The following SYNE1 variants were observed in gnomAD, a reference collection of about 807,000 sequenced individuals.
SYNE1 encodes the protein spectrin repeat containing nuclear envelope protein 1.
In SYNE1, 616 loss-of-function variants were observed where a neutral mutation model predicts 1,111.0. The observed-to-expected ratio is 0.55, with a 90% CI of 0.52 to 0.59. SYNE1 has a LOEUF of 0.59. Ranked by LOEUF, SYNE1 falls within the 20% of genes least tolerant of loss-of-function variation. SYNE1 has a pLI of 0.00. For missense variants in SYNE1, 10,006 were observed against 10,417.0 expected, an observed-to-expected ratio of 0.96 and a Z score of 1.72; for synonymous variants, 3,855 against 3,825.8, an observed-to-expected ratio of 1.01 and a Z score of -0.28.
intron 15 of SYNE1, 26 bp downstream of exon 15, chr6:152,472,275 T>C (rs577305737): frequency 1.0e-4 from 164 of 1,571,224 alleles, no homozygotes; most frequent in Admixed American, 2.3e-4. Flanking sequence ...AAAAGAGACT[T>C]CCTTTAAATG....
intron 130 of SYNE1, among the ~76,000 whole-genome samples, chr6:152,169,363 C>A (rs2064516944): frequency 6.6e-6 from 1 of 151,658 alleles, no homozygotes. Flanking sequence ...GAGATCAAGA[C>A]CATCCTGGCT....
At chr6:152,571,926 T>C (rs2099462019) in intron 3 of SYNE1, among the ~76,000 whole-genome samples, 1 of 152,194 alleles carries the variant, frequency 6.6e-6, no homozygotes. Flanking sequence ...AGTTTGTGCA[T>C]CATCACAGTT....
At chr6:152,571,234 G>C (rs818444) in intron 3 of SYNE1, among the ~76,000 whole-genome samples, 7,174 of 152,254 alleles carry the variant, frequency 0.047, 234 homozygotes, top group Non-Finnish European at 0.072. Flanking sequence ...TGTCTTCTGA[G>C]ATTGCTTAAG....
intron 11 of SYNE1, among the ~76,000 whole-genome samples, chr6:152,491,933 C>T (rs1448758464): frequency 3.3e-5 from 5 of 152,134 alleles, no homozygotes; most frequent in African/African-American, 1.2e-4. Context: ...ATCACCTCCC[C>T]CTCCTCCCAC....
At position 152,211,543 on chromosome 6, in the gene SYNE1, T is replaced by C. The variant is rs1481246991; in HGVS notation, c.22540A>G (p.Ile7514Val). 2 of 1,613,936 alleles carry C rather than the reference T, an allele frequency of 1.2e-6. No individual in the cohort carries two copies. The highest frequency in any genetic ancestry group is 1.1e-5 in the South Asian group (1 of 91,076). The change falls in exon 124 of 146, where the codon ATC becomes GTC. Residue 7514 changes from isoleucine (I) to valine (V), a missense_variant. Ile to Val is a conservative substitution (Grantham distance 29). Coordinates refer to ENST00000367255, the MANE Select transcript of SYNE1 (RefSeq NM_182961.4). ...MFSRQQILHSIIIDGQRLLEQ... is the reference protein window; with the variant it reads ...MFSRQQILHSVIIDGQRLLEQ... ...AGAAGACGTTGCCCATCAATAATGA[T>C]TGAGTGCAAAATCTGCTGACGACTG...
chr6:152,357,360 T>A (rs913014553), intron 66 of SYNE1, among the ~76,000 whole-genome samples: 3 of 152,186 alleles, frequency 2.0e-5, no homozygotes, highest in African/African-American at 7.2e-5. Context: ...TGACTGATAA[T>A]CATGATGGTC....
At position 152,444,556 on chromosome 6, in the gene SYNE1, A is replaced by G; in HGVS notation, c.3692T>C (p.Phe1231Ser). The G allele has an allele frequency of 1.9e-6, 3 of 1,612,874 alleles. No individual in the cohort carries two copies. The highest frequency in any genetic ancestry group is 2.5e-6 in the Non-Finnish European group (3 of 1,179,790). The change falls in exon 30 of 146, where the codon TTT becomes TCT. Residue 1231 changes from phenylalanine (F) to serine (S), a missense_variant. Physicochemically the swap from Phe to Ser is radical, Grantham distance 155. This residue lies in a region of SYNE1 where 1,971 missense variants were observed against 2,084.1 expected (regional missense o/e 0.95). Transcript: ENST00000367255. ...LSEVEKMLSN[F>S]GDCVQYKEIV... ...TTCTTTGTACTGGACACAGTCCCCA[A>G]AATTGCTTAGCATCTTTTCAACCTA...
intron 92 of SYNE1, 54 bp from the exon 93 acceptor site, chr6:152,300,835 A>G (rs1005950516): frequency 1.4e-5 from 22 of 1,613,690 alleles, no homozygotes; most frequent in Admixed American, 1.0e-4. Flanking sequence ...CTATGTTAAC[A>G]TAAGTCCTGT....
chr6:152,176,661 G>T, intron 129 of SYNE1, 101 bp from the exon 130 acceptor site: 1 of 1,202,486 alleles, frequency 8.3e-7, no homozygotes, highest in Non-Finnish European at 1.2e-6. Context: ...CTACTGCTTG[G>T]AAGTAGTTTG....
intron 3 of SYNE1, among the ~76,000 whole-genome samples, chr6:152,626,741 G>T (rs117233459): frequency 3.3e-5 from 5 of 152,160 alleles, no homozygotes; most frequent in Non-Finnish European, 5.9e-5. Context: ...AAACACGAGT[G>T]GGGGGTCACT....
intron 121 of SYNE1, among the ~76,000 whole-genome samples, chr6:152,215,671 T>C (rs1044437983): frequency 2.0e-5 from 3 of 152,246 alleles, no homozygotes; most frequent in African/African-American, 7.2e-5. Flanking sequence ...ATTGAGCACT[T>C]ACTATGAATC....
intron 53 of SYNE1, among the ~76,000 whole-genome samples, chr6:152,387,844 A>T (rs2097547634): frequency 6.6e-6 from 1 of 152,164 alleles, no homozygotes; most frequent in Non-Finnish European, 1.5e-5. Flanking sequence ...TGAGTAAATG[A>T]TCTATCATTA....
At chr6:152,177,783 T>C (rs964333134) in intron 129 of SYNE1, among the ~76,000 whole-genome samples, 1 of 152,240 alleles carries the variant, frequency 6.6e-6, no homozygotes, top group Non-Finnish European at 1.5e-5. Context: ...GGGAATTACT[T>C]TAAGACTTAA....
chr6:152,242,314 C>T lies in SYNE1; in HGVS notation c.19819G>A (p.Glu6607Lys), dbSNP rs552717038. The change falls in exon 107 of 146, where the codon GAG becomes AAG. Residue 6607 changes from glutamate to lysine, a missense_variant. By Grantham distance (56) the Glu-to-Lys change is moderately conservative. Coordinates refer to ENST00000367255, the MANE Select transcript of SYNE1 (RefSeq NM_182961.4). Reference protein sequence around the residue: ...DLADLLETGQEKMAGDQKIIV... With the variant: ...DLADLLETGQKKMAGDQKIIV... ...ATTTTCTGGTCTCCTGCCATCTTCTCCTGACCAGTTTCTAGCAGGTCAGCC... is the reference window on the plus strand; with the variant it reads ...ATTTTCTGGTCTCCTGCCATCTTCTTCTGACCAGTTTCTAGCAGGTCAGCC... 5.0e-6 allele frequency: 8 copies of T among 1,614,074 alleles called. No homozygotes were observed. The South Asian group carries it at 8.8e-5, about 18-fold the overall frequency.
At chr6:152,231,290 C>T (rs1456473190) in intron 114 of SYNE1, 101 bp downstream of exon 114, 5 of 1,298,468 alleles carry the variant, frequency 3.9e-6, no homozygotes, top group Non-Finnish European at 5.6e-6. Flanking sequence ...CGTTCTTTGC[C>T]CAGTATAGCC....
In SYNE1 at chr6:152,387,092, C is replaced by A. The variant is rs2097536801; in HGVS notation, c.8467G>T (p.Asp2823Tyr). 2 of 1,613,890 alleles carry A rather than the reference C, an allele frequency of 1.2e-6. No individual in the cohort carries two copies. The highest frequency in any genetic ancestry group is 1.3e-5 in the African/African-American group (1 of 75,030). Residue 2823 changes from aspartate (D) to tyrosine (Y), a missense_variant, in exon 54 of 146, where the codon GAT (aspartate) becomes TAT (tyrosine). Around this residue, in one of 7 missense-constraint regions of SYNE1, gnomAD observed 4,955 missense variants for 5,017.2 expected, o/e 0.99. Coordinates refer to ENST00000367255, the MANE Select transcript of SYNE1 (RefSeq NM_182961.4). Reference sequence around the variant, plus strand: ...CTAACCTTGGCAACAGTCATTATATCATTAAACTGTGTTTTCAGCTCCTCT... The same window carrying A: ...CTAACCTTGGCAACAGTCATTATATAATTAAACTGTGTTTTCAGCTCCTCT... ...AQEELKTQFN[D>Y]IMTVAKEKMR...
chr6:152,336,924 C>A lies in SYNE1; in HGVS notation c.12445G>T (p.Ala4149Ser). ...KSELWIYLQD[A>S]DQQLQNMKRR... is the part of the protein sequence containing the mutation. Reference sequence around the variant, plus strand: ...TTCATGTTCTGCAGTTGCTGATCAGCATCTTGCAGGTAAATCCAGAGCTCA... The same window carrying A: ...TTCATGTTCTGCAGTTGCTGATCAGAATCTTGCAGGTAAATCCAGAGCTCA... Residue 4149 changes from alanine (A) to serine (S), a missense_variant, in exon 76 of 146, where the codon GCT (alanine) becomes TCT (serine). Transcript: ENST00000367255. 1.2e-6 allele frequency: 2 copies of A among 1,614,164 alleles called. No homozygotes were observed. The highest frequency in any genetic ancestry group is 2.2e-5 in the East Asian group (1 of 44,886).
In SYNE1 at chr6:152,401,281, T is replaced by C; in HGVS notation, c.6886A>G (p.Lys2296Glu). The C allele has an allele frequency of 6.2e-7, 1 of 1,614,114 alleles. No individual in the cohort carries two copies. Among genetic ancestry groups the C allele is most frequent in the Non-Finnish European group, 8.5e-7 (1 of 1,180,030 alleles). The change falls in exon 47 of 146, where the codon AAA (lysine) becomes GAA (glutamate). Residue 2296 changes from lysine (K) to glutamate (E), a missense_variant. Lys to Glu is a moderately conservative substitution (Grantham distance 56). Around this residue, in one of 7 missense-constraint regions of SYNE1, gnomAD observed 4,955 missense variants for 5,017.2 expected, o/e 0.99. Coordinates refer to ENST00000367255, the MANE Select transcript of SYNE1 (RefSeq NM_182961.4). ...GCCGTGAAATCCTTCAGGGTTCCTT[T>C]TGCTACTTCAGTTATTTCTTTGGCA... The part of the protein sequence containing the change: ...EHAKEITEVA[K>E]GTLKDFTAQS...
At chr6:152,146,307 C>G (rs1444933915) in intron 137 of SYNE1, 2 of 152,136 alleles carry the variant, frequency 1.3e-5, no homozygotes. Flanking sequence ...TTAAAGGTTT[C>G]ATAGCCACAT....
Sources: gnomAD v4.1 joint callset for allele counts (sites outside exome capture counted in the v4.1 genomes callset) on GRCh38, gnomAD v4.1.1 for gene constraint, gnomAD v4.1.1 regional missense constraint, MANE v1.5 for transcripts, NCBI Gene and HGNC (gene_info 2026-07-23, HGNC 2026-07-21) for gene names.